ZMYM1: variants seen among roughly 807,000 people sequenced by gnomAD.
The protein encoded by ZMYM1 is zinc finger MYM-type protein 1.
In ZMYM1, 39 loss-of-function variants were observed where a neutral mutation model predicts 60.0. The observed-to-expected ratio is 0.65, with a 90% confidence interval of 0.50 to 0.85. The LOEUF (loss-of-function observed/expected upper bound fraction) is 0.85. Among genes scored for constraint, ZMYM1 ranks in the 40% least tolerant of loss-of-function variants. The pLI, the probability that ZMYM1 is intolerant of heterozygous loss-of-function variation, is 0.00. For missense variants in ZMYM1, 1,171 were observed against 1,309.5 expected (o/e 0.89, Z 1.63); for synonymous variants, 413 against 454.0 (o/e 0.91, Z 1.15).
At chr1:35,112,175 A>G (rs1406361058) in intron 9 of ZMYM1, 45 bp downstream of exon 9, 1 of 1,593,664 alleles carries the variant, frequency 6.3e-7, no homozygotes, top group Non-Finnish European at 8.6e-7. Flanking sequence ...TAATAAGCAG[A>G]TTTTTGTTGT....
chr1:35,110,310 T>C lies in ZMYM1; in HGVS notation c.824T>C (p.Leu275Pro). ...TAYKQKPAKP[L>P]ISVPCKPLKP... is the part of the protein sequence containing the mutation. The stretch of plus-strand genomic sequence containing the variant: ...TCTAAACAGAAACCTGCCAAACCAC[T>C]TATATCTGTTCCTTGCAAACCATTG... The change falls in exon 7 of 10, where the codon CTT (leucine) becomes CCT (proline). Residue 275 changes from leucine (L) to proline (P), a missense_variant. By Grantham distance (98) the Leu-to-Pro change is moderately conservative. Coordinates refer to ENST00000359858, the MANE Select transcript of ZMYM1 (RefSeq NM_024772.5). The C allele has an allele frequency of 6.5e-7, 1 of 1,542,906 alleles. No homozygotes were observed. Among genetic ancestry groups the C allele is most frequent in the South Asian group, 1.3e-5 (1 of 78,710 alleles).
chr1:35,066,249 G>C (rs1641969809), intron 1 of ZMYM1, among the ~76,000 whole-genome samples: 1 of 152,228 alleles, frequency 6.6e-6, no homozygotes, highest in Non-Finnish European at 1.5e-5. Context: ...CCAGGCTGGA[G>C]TGCAGTGGCC....
At chr1:35,099,010 C>T (rs1643492886) in intron 4 of ZMYM1, among the ~76,000 whole-genome samples, 1 of 152,130 alleles carries the variant, frequency 6.6e-6, no homozygotes, top group Admixed American at 6.6e-5. Flanking sequence ...TTCTTTGTTA[C>T]TTAGTATTCG....
rs2148568951 is a variant in ZMYM1, at chr1:35,111,896, C to T, written c.1086C>T (p.Asn362=). 6.3e-7 allele frequency: 1 copy of T among 1,591,416 alleles called. No individual in the cohort carries two copies. Among genetic ancestry groups the T allele is most frequent in the Non-Finnish European group, 8.6e-7 (1 of 1,166,610 alleles). ...CCGATGTTGCCTTGCCCATCATGAACACTGATGTCTTACAAGGTAAAAGTT... is the reference window on the plus strand; with the variant it reads ...CCGATGTTGCCTTGCCCATCATGAATACTGATGTCTTACAAGGTAAAAGTT... ...ADTDVALPIM[N]TDVLQDTVSS... is the part of the protein sequence containing the mutation. Residue 362 remains asparagine, a synonymous_variant, in exon 8 of 10, where the codon AAC becomes AAT. Transcript: ENST00000359858.
chr1:35,088,434 G>GTATATATATATATA (rs58346528), intron 1 of ZMYM1, among the ~76,000 whole-genome samples: 138 of 67,996 alleles, frequency 2.0e-3, no homozygotes, highest in Middle Eastern at 0.015. Flanking sequence ...GTGTTTATGT[G>GTATATATATATATA]TATATATATA....
At chr1:35,084,845 G>A (rs115879768) in intron 1 of ZMYM1, among the ~76,000 whole-genome samples, 1 of 151,920 alleles carries the variant, frequency 6.6e-6, no homozygotes. Context: ...CTCCCAGATT[G>A]TGCCTCTTGA....
intron 1 of ZMYM1, among the ~76,000 whole-genome samples, chr1:35,071,540 C>T (rs1400139425): frequency 6.6e-6 from 1 of 151,690 alleles, no homozygotes; most frequent in Non-Finnish European, 1.5e-5. Context: ...CAGTATGTTG[C>T]CCAGGCTGAT....
chr1:35,068,248 G>C (rs1388538321), intron 1 of ZMYM1, among the ~76,000 whole-genome samples: 1 of 151,560 alleles, frequency 6.6e-6, no homozygotes, highest in African/African-American at 2.4e-5. Context: ...GCAAAACTCC[G>C]TCTCTACTAA....
chr1:35,079,664 G>A (rs184444065), intron 1 of ZMYM1, among the ~76,000 whole-genome samples: 7 of 148,318 alleles, frequency 4.7e-5, no homozygotes, highest in Admixed American at 4.7e-4. Flanking sequence ...CTCATAGACT[G>A]GGGGGGTTAG....
At position 35,114,573 on chromosome 1, in the gene ZMYM1, G is replaced by A; in HGVS notation, c.2743G>A (p.Gly915Arg). The A allele has an allele frequency of 6.2e-7, 1 of 1,609,870 alleles. No homozygotes were observed. The highest frequency in any genetic ancestry group is 1.7e-4 in the Middle Eastern group (1 of 6,042). ...CGTATACTTTAAAACAATCTGGGAT[G>A]GAACAGAGGAAATATGTCAAAAAAT... ...NDVYFKTIWD[G>R]TEEICQKITC... Residue 915 changes from glycine to arginine, a missense_variant, in exon 10 of 10, where the codon GGA (glycine) becomes AGA (arginine). Physicochemically the swap from Gly to Arg is moderately radical, Grantham distance 125 (BLOSUM62 -2). Transcript: ENST00000359858.
intron 1 of ZMYM1, among the ~76,000 whole-genome samples, chr1:35,066,084 A>G (rs1246080575): frequency 6.6e-6 from 1 of 152,218 alleles, no homozygotes; most frequent in Non-Finnish European, 1.5e-5. Context: ...ATGATTTCAC[A>G]AGGAATCTAT....
At chr1:35,111,104 A>G (rs1037239103) in intron 7 of ZMYM1, among the ~76,000 whole-genome samples, 2 of 152,218 alleles carry the variant, frequency 1.3e-5, no homozygotes, top group African/African-American at 4.8e-5. Context: ...TGCTTTTATT[A>G]GAATATAGAA....
At chr1:35,080,299 C>T (rs1382949093) in intron 1 of ZMYM1, among the ~76,000 whole-genome samples, 2 of 150,938 alleles carry the variant, frequency 1.3e-5, no homozygotes, top group Non-Finnish European at 2.9e-5. Flanking sequence ...TTCTAGTTCC[C>T]ATATATTTGT....
At chr1:35,117,243 T>G (rs1344570561), downstream of ZMYM1, among the ~76,000 whole-genome samples, 1 of 152,130 alleles carries the variant, frequency 6.6e-6, no homozygotes, top group Non-Finnish European at 1.5e-5. Flanking sequence ...TCTATTTCAT[T>G]GAGGCTTTCT....
intron 1 of ZMYM1, among the ~76,000 whole-genome samples, chr1:35,089,906 CT>C (rs750848210): frequency 9.2e-4 from 117 of 126,666 alleles, no homozygotes; most frequent in Middle Eastern, 4.1e-3. Context: ...ATATAAGGCT[CT>C]TTTTTTTTTT....
chr1:35,088,146 G>A (rs1389097671), intron 1 of ZMYM1, among the ~76,000 whole-genome samples: 2 of 151,814 alleles, frequency 1.3e-5, no homozygotes, highest in African/African-American at 2.4e-5. Flanking sequence ...ATGGCTGGGC[G>A]CGGTGGCTCA....
At chr1:35,106,429 C>T (rs1643890604) in intron 6 of ZMYM1, among the ~76,000 whole-genome samples, 2 of 151,718 alleles carry the variant, frequency 1.3e-5, no homozygotes, top group Non-Finnish European at 2.9e-5. Flanking sequence ...GCCAACATGG[C>T]GAAAACCCGC....
intron 1 of ZMYM1, among the ~76,000 whole-genome samples, chr1:35,070,051 G>C (rs1239525035): frequency 6.6e-6 from 1 of 152,146 alleles, no homozygotes; most frequent in African/African-American, 2.4e-5. Flanking sequence ...TTTTGCTCAG[G>C]ATTGCTTTAG....
downstream of ZMYM1, among the ~76,000 whole-genome samples, chr1:35,118,347 C>G (rs1296173752): frequency 6.6e-6 from 1 of 151,822 alleles, no homozygotes; most frequent in Non-Finnish European, 1.5e-5. Flanking sequence ...GAACTTTCCT[C>G]TAAAGTCAGC....
Sources: gnomAD v4.1 joint callset for allele counts (sites outside exome capture counted in the v4.1 genomes callset) on GRCh38, gnomAD v4.1.1 for gene constraint, MANE v1.5 for transcripts, NCBI Gene and HGNC (gene_info 2026-07-23, HGNC 2026-07-21) for gene names.